INO80: variants seen among roughly 807,000 people sequenced by gnomAD.
The protein encoded by INO80 is INO80 complex ATPase subunit.
A neutral mutation model predicts 203.4 loss-of-function variants in INO80; 20 were observed. The ratio of observed to expected loss-of-function variants is 0.10; its 90% CI spans 0.07 to 0.14. The LOEUF (loss-of-function observed/expected upper bound fraction) is 0.14. Among genes scored for constraint, INO80 ranks in the 10% least tolerant of loss-of-function variants. The pLI, the probability that INO80 is intolerant of heterozygous loss-of-function variation, is 1.00. For missense variants in INO80, 1,419 were observed against 1,914.4 expected, an observed-to-expected ratio of 0.74 and a Z score of 4.83; for synonymous variants, 726 against 685.2, an observed-to-expected ratio of 1.06 and a Z score of -0.93.
At chr15:41,097,334 C>T (rs891539331) in intron 1 of INO80, among the ~76,000 whole-genome samples, 1 of 151,904 alleles carries the variant, frequency 6.6e-6, no homozygotes, top group Non-Finnish European at 1.5e-5. Context: ...GCTTGAGCCA[C>T]CGCGCCCAGC....
intron 25 of INO80, among the ~76,000 whole-genome samples, chr15:41,024,094 A>G (rs1343701178): frequency 1.3e-5 from 2 of 152,156 alleles, no homozygotes; most frequent in Non-Finnish European, 2.9e-5. Context: ...ATAAACTTTC[A>G]TCTATTTTTC....
intron 10 of INO80, among the ~76,000 whole-genome samples, chr15:41,074,074 G>A (rs1298443757): frequency 6.6e-6 from 1 of 152,044 alleles, no homozygotes; most frequent in Admixed American, 6.6e-5. Context: ...CTGAAACACA[G>A]TTCAGTTCTA....
chr15:41,035,680 G>C (rs1429118468), intron 24 of INO80, among the ~76,000 whole-genome samples: 1 of 151,236 alleles, frequency 6.6e-6, no homozygotes, highest in Non-Finnish European at 1.5e-5. Context: ...AAATTAGCTG[G>C]GTGTGGTGGC....
chr15:41,011,313 C>T (rs964846742), intron 27 of INO80, among the ~76,000 whole-genome samples: 2 of 152,150 alleles, frequency 1.3e-5, no homozygotes, highest in Admixed American at 6.6e-5. Flanking sequence ...GCTCTGTTCA[C>T]GCTTCATTTT....
chr15:41,045,202 T>C, intron 23 of INO80, 127 bp from the exon 24 acceptor site: 1 of 686,124 alleles, frequency 1.5e-6, no homozygotes, highest in South Asian at 3.3e-5. Flanking sequence ...TAGAAACAGT[T>C]CTTTCCTACT....
intron 9 of INO80, among the ~76,000 whole-genome samples, chr15:41,076,251 C>G (rs1443657930): frequency 2.0e-5 from 3 of 151,948 alleles, no homozygotes; most frequent in Non-Finnish European, 4.4e-5. Context: ...ATCCCAGCTA[C>G]TTAGGAGGCT....
At chr15:41,015,023 CTTTA>C (rs1318951171) in intron 27 of INO80, among the ~76,000 whole-genome samples, 1 of 152,194 alleles carries the variant, frequency 6.6e-6, no homozygotes, top group Non-Finnish European at 1.5e-5. Context: ...GCCTCTCAAA[CTTTA>C]TTTATATAAA....
At position 41,007,670 on chromosome 15, in the gene INO80, T is replaced by G. The variant is rs545413823; in HGVS notation, c.3403-1983A>C. On this transcript the variant is annotated intron_variant, in intron 27 of 35. Transcript: ENST00000648947. ...TACTGAGGCAACAGAAGTGAATTAT[T>G]CCCTTCCACTGCTTCAAGTCTTAGC... is the stretch of plus-strand genomic sequence containing the variant. 1.9e-3 allele frequency among the ~76,000 whole-genome samples: 293 copies of G among 151,330 alleles called. 2 individuals are homozygous for G. Among genetic ancestry groups the G allele is most frequent in the Non-Finnish European group, 3.5e-3 (241 of 67,906 alleles).
chr15:41,022,656 A>T (rs537742670), intron 25 of INO80, among the ~76,000 whole-genome samples: 1 of 152,316 alleles, frequency 6.6e-6, no homozygotes, highest in South Asian at 2.1e-4. Context: ...AGCTGAACTG[A>T]GTTTGCTAGG....
intron 28 of INO80, among the ~76,000 whole-genome samples, chr15:41,000,507 G>C (rs1490870422): frequency 6.6e-6 from 1 of 151,856 alleles, no homozygotes; most frequent in African/African-American, 2.4e-5. Flanking sequence ...ACCAGCCTTG[G>C]CAACAGGGCG....
At chr15:41,014,105 C>T (rs759500972) in intron 27 of INO80, among the ~76,000 whole-genome samples, 35 of 152,012 alleles carry the variant, frequency 2.3e-4, no homozygotes, top group Non-Finnish European at 3.7e-4. Flanking sequence ...TGCGATACAC[C>T]GAGGGAAGGA....
Position 40,998,983 on chromosome 15 carries a change from T to TACACACACACACACACACAC in INO80, c.3498-1402_3498-1383dup, listed in dbSNP as rs10650860. Among the ~76,000 whole-genome samples the TACACACACACACACACACAC allele has an allele frequency of 1.6e-3, 220 of 140,420 alleles. 2 individuals carry two copies. Among genetic ancestry groups the TACACACACACACACACACAC allele is most frequent in the Middle Eastern group, 7.1e-3 (2 of 282 alleles). The allele number at this position is 140,420 out of a possible 152,430, so 92.1% of individuals were successfully genotyped here. On this transcript the variant is annotated intron_variant, in intron 28 of 35. Transcript: ENST00000648947. ...CAGGCTTTTGACTCTAAGATTTATCTACACACACACACACACACACACACA... is the reference window on the plus strand; with the variant it reads ...CAGGCTTTTGACTCTAAGATTTATCTACACACACACACACACACACACACACACACACACACACACACACA...
chr15:41,025,313 G>A (rs899227275), intron 25 of INO80, among the ~76,000 whole-genome samples: 5 of 152,154 alleles, frequency 3.3e-5, no homozygotes, highest in Non-Finnish European at 2.9e-5. Flanking sequence ...TGAGAGTGGT[G>A]GGTTATAGAT....
At position 40,979,503 on chromosome 15, in the gene INO80, G is replaced by A. The variant is rs943751491; in HGVS notation, c.*720C>T. Reference sequence around the variant, plus strand: ...GCAGTGAGGCTGTCCTGCTGATTGAGGTGGCTCCTGGTCTCTCTACTGGCT... The same window carrying A: ...GCAGTGAGGCTGTCCTGCTGATTGAAGTGGCTCCTGGTCTCTCTACTGGCT... On this transcript the variant is annotated 3_prime_UTR_variant, in exon 36 of 36. Transcript: ENST00000648947. The A allele has an allele frequency of 6.5e-6, 1 of 153,542 alleles. No individual in the cohort carries two copies. Among genetic ancestry groups the A allele is most frequent in the African/African-American group, 2.4e-5 (1 of 41,464 alleles). The allele number at this position is 153,542 out of a possible 1,614,324, so 9.5% of individuals were successfully genotyped here. A position where few individuals can be genotyped will look rare whatever the true frequency, so the allele number is the denominator to read the frequency against.
At chr15:40,986,744 G>A (rs1201712371) in intron 31 of INO80, among the ~76,000 whole-genome samples, 1 of 152,088 alleles carries the variant, frequency 6.6e-6, no homozygotes, top group East Asian at 1.9e-4. Context: ...TTCTGCTTTA[G>A]CTTCCCAAAG....
In INO80 at chr15:41,016,221, G is replaced by T. The variant is rs755467748; in HGVS notation, c.3275-6C>A. ...AGTGATGAGGCTCTCCTTGCCTGGG[G>T]AGAAGAAAAGGGGGTGAGGGGGAAC... On this transcript the variant is annotated splice_polypyrimidine_tract_variant and splice_region_variant and intron_variant, in intron 26 of 35. Coordinates refer to ENST00000648947, the MANE Select transcript of INO80 (RefSeq NM_017553.3). The T allele has an allele frequency of 1.8e-5, 29 of 1,612,904 alleles. 1 individual carries two copies. In the South Asian group the frequency reaches 3.1e-4, roughly 17 times the overall value.
intron 27 of INO80, 107 bp downstream of exon 27, chr15:41,015,981 G>T: frequency 2.4e-6 from 2 of 831,124 alleles, no homozygotes; most frequent in Non-Finnish European, 1.9e-6. Flanking sequence ...AAAGACAAAA[G>T]GGAGTTTTGG....
At chr15:41,049,255 C>T in intron 21 of INO80, 32 bp downstream of exon 21, 1 of 1,579,868 alleles carries the variant, frequency 6.3e-7, no homozygotes, top group Non-Finnish European at 8.6e-7. Flanking sequence ...TTATAAAACA[C>T]TAATAGTGAA....
At chr15:41,008,740 G>A (rs1283057305) in intron 27 of INO80, among the ~76,000 whole-genome samples, 1 of 152,190 alleles carries the variant, frequency 6.6e-6, no homozygotes, top group Non-Finnish European at 1.5e-5. Flanking sequence ...CATTCAGCAT[G>A]GCCCTCAAAT....
Sources: gnomAD v4.1 joint callset for allele counts (sites outside exome capture counted in the v4.1 genomes callset) on GRCh38, gnomAD v4.1.1 for gene constraint, MANE v1.5 for transcripts, NCBI Gene and HGNC (gene_info 2026-07-23, HGNC 2026-07-21) for gene names.